Variants in NOL4L observed in about 807,000 individuals in gnomAD.
The protein encoded by NOL4L is nucleolar protein 4-like.
A neutral mutation model predicts 64.5 loss-of-function variants in NOL4L; 7 were observed. The ratio of observed to expected loss-of-function variants is 0.11; its 90% CI spans 0.06 to 0.20. NOL4L has a LOEUF of 0.20. NOL4L is among the 10% of genes least tolerant of loss of function. The pLI, the probability that NOL4L is intolerant of heterozygous loss-of-function variation, is 1.00. For missense variants in NOL4L, 680 were observed against 967.1 expected (o/e 0.70, Z 3.94); for synonymous variants, 413 against 401.0 (o/e 1.03, Z -0.36).
chr20:32,569,157 C>A (rs925544116), intron 1 of NOL4L, among the ~76,000 whole-genome samples: 1 of 152,052 alleles, frequency 6.6e-6, no homozygotes, highest in Non-Finnish European at 1.5e-5. Context: ...TAGGAACCAA[C>A]GACATTTTGA....
At chr20:32,504,766 G>A (rs1174973923) in intron 4 of NOL4L, among the ~76,000 whole-genome samples, 1 of 152,012 alleles carries the variant, frequency 6.6e-6, no homozygotes, top group African/African-American at 2.4e-5. Context: ...ACCATGCCCA[G>A]CTAATTTTTG....
chr20:32,460,402 C>A lies in NOL4L; in HGVS notation c.842-4007G>T, dbSNP rs2013933682. Among the ~76,000 whole-genome samples the A allele has an allele frequency of 6.6e-6, 1 of 152,204 alleles. No homozygotes were observed. Among genetic ancestry groups the A allele is most frequent in the African/African-American group, 2.4e-5 (1 of 41,446 alleles). Reference sequence around the variant, plus strand: ...GCTCAGGCAGCCCCGGCATGCCAGCCCCCACCCCACACAGCTGCCCCCGCG... The same window carrying A: ...GCTCAGGCAGCCCCGGCATGCCAGCACCCACCCCACACAGCTGCCCCCGCG... On this transcript the variant is annotated intron_variant, in intron 5 of 10. Transcript: ENST00000621426. The surrounding 1 kb of genome is among the most constrained non-coding windows in gnomAD (Gnocchi z 5.7).
In NOL4L at chr20:32,443,751, C is replaced by G. The variant is rs972691175; in HGVS notation, c.*3845G>C. The G allele has an allele frequency of 2.0e-5, 3 of 151,674 alleles. No homozygotes were observed. Among genetic ancestry groups the G allele is most frequent in the Admixed American group, 2.0e-4 (3 of 15,218 alleles). The allele number at this position is 151,674 out of a possible 1,614,324, so 9.4% of individuals were successfully genotyped here. A position where few individuals can be genotyped will look rare whatever the true frequency, so the allele number is the denominator to read the frequency against. ...GATCCTGAAGGCAACATGAGTCATT[C>G]TGACCTTCCCACTCCCAGGCTGCCC... On this transcript the variant is annotated 3_prime_UTR_variant, in exon 11 of 11. Coordinates refer to ENST00000621426, the MANE Select transcript of NOL4L (RefSeq NM_001256798.2).
chr20:32,507,694 G>A (rs776608438), intron 4 of NOL4L, among the ~76,000 whole-genome samples: 3 of 152,158 alleles, frequency 2.0e-5, no homozygotes, highest in Admixed American at 6.5e-5. Flanking sequence ...TTCAGATATA[G>A]AGCTTTGTTC....
chr20:32,486,711 C>G, intron 4 of NOL4L: 1 of 471,076 alleles, frequency 2.1e-6, no homozygotes, highest in South Asian at 1.6e-5. Context: ...ATGGGGCGAT[C>G]TGGCAGACAC....
At chr20:32,583,456 G>C (rs913219858) in intron 1 of NOL4L, among the ~76,000 whole-genome samples, 1 of 149,338 alleles carries the variant, frequency 6.7e-6, no homozygotes. Flanking sequence ...GGAGCGCGGA[G>C]GGGGGAGCGG....
chr20:32,575,151 G>T (rs1185535894), intron 1 of NOL4L, among the ~76,000 whole-genome samples: 2 of 151,982 alleles, frequency 1.3e-5, no homozygotes, highest in East Asian at 3.9e-4. Flanking sequence ...CTCCCTCCAC[G>T]TGAGAACCCT....
intron 1 of NOL4L, among the ~76,000 whole-genome samples, chr20:32,575,524 G>T (rs1980040274): frequency 6.6e-6 from 1 of 152,160 alleles, no homozygotes; most frequent in East Asian, 1.9e-4. Context: ...GGGTGGGTCT[G>T]CGCCCTGGGG....
intron 5 of NOL4L, among the ~76,000 whole-genome samples, chr20:32,468,588 C>T (rs542086272): frequency 2.6e-5 from 4 of 152,234 alleles, no homozygotes; most frequent in East Asian, 1.9e-4. Context: ...CACCCTGCAG[C>T]GCCACTTCCA....
intron 1 of NOL4L, among the ~76,000 whole-genome samples, chr20:32,556,692 C>G (rs536166680): frequency 6.6e-6 from 1 of 152,192 alleles, no homozygotes; most frequent in Non-Finnish European, 1.5e-5. Flanking sequence ...GTCCTCAGCC[C>G]CAGGGGAAAC....
intron 5 of NOL4L, among the ~76,000 whole-genome samples, chr20:32,461,412 C>A (rs908676117): frequency 4.8e-5 from 6 of 124,892 alleles, no homozygotes; most frequent in Admixed American, 2.4e-4. Context: ...ACCCCTCTAC[C>A]TTTCTTTTCT....
At chr20:32,521,849 T>C (rs2017949447) in intron 2 of NOL4L, among the ~76,000 whole-genome samples, 2 of 152,212 alleles carry the variant, frequency 1.3e-5, no homozygotes, top group Non-Finnish European at 2.9e-5. Flanking sequence ...GTTTTCCATG[T>C]GCTTCCTGGA....
At chr20:32,545,114 C>T (rs1016627857) in intron 1 of NOL4L, among the ~76,000 whole-genome samples, 6 of 152,058 alleles carry the variant, frequency 3.9e-5, no homozygotes, top group Non-Finnish European at 8.8e-5. Context: ...GTTGCTGATA[C>T]TTAAAAGTTG....
chr20:32,463,701 T>C lies in NOL4L; in HGVS notation c.842-7306A>G, dbSNP rs1413734196. 6.6e-6 allele frequency among the ~76,000 whole-genome samples: 1 copy of C among 152,194 alleles called. No individual in the cohort carries two copies. The highest frequency in any genetic ancestry group is 1.5e-5 in the Non-Finnish European group (1 of 68,030). On this transcript the variant is annotated intron_variant, in intron 5 of 10. Coordinates refer to ENST00000621426, the MANE Select transcript of NOL4L (RefSeq NM_001256798.2). The surrounding 1 kb of genome is among the most constrained non-coding windows in gnomAD (Gnocchi z 5.8). The stretch of plus-strand genomic sequence containing the variant: ...GTCTCCAGAAGGAGACAAAAACCCC[T>C]TTTACCTCAGCAAACAATGCCCTTA...
intron 9 of NOL4L, 46 bp from the exon 10 acceptor site, chr20:32,452,483 GC>G: frequency 6.7e-7 from 1 of 1,484,256 alleles, no homozygotes; most frequent in Non-Finnish European, 9.1e-7. Flanking sequence ...GGGGCAGCTG[GC>G]CCCAACTACC....
intron 4 of NOL4L, among the ~76,000 whole-genome samples, chr20:32,503,741 C>T (rs1288829096): frequency 6.6e-6 from 1 of 152,204 alleles, no homozygotes; most frequent in Non-Finnish European, 1.5e-5. Flanking sequence ...CAAAGCTTAA[C>T]AGCCCTCCTC....
In NOL4L at chr20:32,584,720, C is replaced by T; in HGVS notation, c.171G>A (p.Gln57=). Residue 57 remains glutamine, a synonymous_variant, in exon 1 of 11, where the codon CAG becomes CAA. Transcript: ENST00000621426. ...TGCCCGCGCCAGTCCCGCCGCCGCC[C>T]TGCAGGACCTCGGCGATCCGCTGGT... The part of the protein sequence containing the change: ...SKYQRIAEVL[Q]GGGGTGAGSG... The T allele has an allele frequency of 6.5e-7, 1 of 1,548,438 alleles. No individual in the cohort carries two copies.
chr20:32,526,815 G>A (rs777132048), intron 2 of NOL4L, among the ~76,000 whole-genome samples: 9 of 152,238 alleles, frequency 5.9e-5, no homozygotes, highest in Non-Finnish European at 2.9e-5. Flanking sequence ...AGGCTTGAAT[G>A]AGCATGAAGG....
At chr20:32,493,324 A>G (rs775360301) in intron 4 of NOL4L, among the ~76,000 whole-genome samples, 3 of 152,090 alleles carry the variant, frequency 2.0e-5, no homozygotes, top group African/African-American at 4.8e-5. Context: ...TCCCTTCATG[A>G]CAGAGCCCAC....
Sources: gnomAD v4.1 joint callset for allele counts (sites outside exome capture counted in the v4.1 genomes callset) on GRCh38, gnomAD v4.1.1 for gene constraint, Gnocchi (gnomAD v3.1) non-coding constraint, MANE v1.5 for transcripts, NCBI Gene and HGNC (gene_info 2026-07-23, HGNC 2026-07-21) for gene names.